The following RAI2 variants were observed in gnomAD, a reference collection of about 807,000 sequenced individuals.
RAI2 encodes retinoic acid induced 2.
A neutral mutation model predicts 15.3 loss-of-function variants in RAI2; 5 were observed. The observed-to-expected ratio is 0.33, with a 90% CI of 0.17 to 0.69. The LOEUF (loss-of-function observed/expected upper bound fraction) is 0.69, where lower values mean the gene tolerates loss of function less well. Among genes scored for constraint, RAI2 ranks in the 30% least tolerant of loss-of-function variants. The probability of loss-of-function intolerance (pLI) is 0.69; values close to 1 mark genes in which losing one functional copy is unlikely to be tolerated. For missense variants in RAI2, 424 were observed against 424.7 expected (o/e 1.00, Z 0.01); for synonymous variants, 191 against 184.0 (o/e 1.04, Z -0.31).
At chrX:17,827,258 G>A (rs981349353) in intron 1 of RAI2, among the ~76,000 whole-genome samples, 4 of 111,700 alleles carry the variant, frequency 3.6e-5, no homozygotes, top group African/African-American at 1.3e-4. Flanking sequence ...CCCCTTGCAG[G>A]CCACACAGAA....
chrX:17,824,589 G>A (rs762144627), intron 1 of RAI2, among the ~76,000 whole-genome samples: 1 of 111,503 alleles, frequency 9.0e-6, no homozygotes, highest in South Asian at 3.8e-4. Flanking sequence ...AGAGTCCAAT[G>A]TCTGATTTTG....
intron 1 of RAI2, among the ~76,000 whole-genome samples, chrX:17,849,774 A>G (rs774881785): frequency 8.9e-6 from 1 of 112,709 alleles, no homozygotes; most frequent in Admixed American, 9.3e-5. Flanking sequence ...AGCAATACCC[A>G]CTTGCTGGCA....
At chrX:17,820,074 G>A (rs1458289579) in intron 1 of RAI2, among the ~76,000 whole-genome samples, 2 of 112,381 alleles carry the variant, frequency 1.8e-5, no homozygotes, top group East Asian at 2.8e-4. Context: ...TGAGCCCAGT[G>A]TGGAGAGGGG....
intron 1 of RAI2, among the ~76,000 whole-genome samples, chrX:17,852,080 A>G (rs2067542687): frequency 9.0e-6 from 1 of 111,722 alleles, no homozygotes; most frequent in Non-Finnish European, 1.9e-5. Flanking sequence ...TTCCTCTCCC[A>G]GTGTTGCAAC....
At chrX:17,819,484 G>C (rs1007846965) in intron 1 of RAI2, among the ~76,000 whole-genome samples, 11 of 111,801 alleles carry the variant, frequency 9.8e-5, no homozygotes, top group African/African-American at 3.6e-4. Flanking sequence ...TCCACTCCTG[G>C]GTATTCTCCC....
chrX:17,819,285 A>G (rs1210083960), intron 1 of RAI2, among the ~76,000 whole-genome samples: 1 of 112,518 alleles, frequency 8.9e-6, no homozygotes, highest in Non-Finnish European at 1.9e-5. Flanking sequence ...TCCTTAAAAA[A>G]CAACTAAGCA....
At chrX:17,809,899 C>T (rs2067025411) in intron 1 of RAI2, among the ~76,000 whole-genome samples, 1 of 111,539 alleles carries the variant, frequency 9.0e-6, no homozygotes, top group Admixed American at 9.5e-5. Flanking sequence ...TCCTAAGTAG[C>T]TGGGACTACA....
At chrX:17,844,313 A>C (rs1456674554) in intron 1 of RAI2, among the ~76,000 whole-genome samples, 1 of 112,710 alleles carries the variant, frequency 8.9e-6, no homozygotes, top group Non-Finnish European at 1.9e-5. Context: ...GCCTGGCCTT[A>C]CCTTCCAGAA....
chrX:17,838,929 A>C (rs2067367542), intron 1 of RAI2, among the ~76,000 whole-genome samples: 1 of 112,092 alleles, frequency 8.9e-6, no homozygotes, highest in Non-Finnish European at 1.9e-5. Flanking sequence ...GATCATAAAC[A>C]CACAGAGTGG....
chrX:17,808,046 C>T (rs1340132074), intron 1 of RAI2, among the ~76,000 whole-genome samples: 1 of 112,038 alleles, frequency 8.9e-6, no homozygotes, highest in Non-Finnish European at 1.9e-5. Context: ...ATGCGGCCCA[C>T]ACAAATTTGT....
chrX:17,800,631 C>A lies in RAI2; in HGVS notation c.1380G>T (p.Gly460=). Residue 460 remains glycine (G), a synonymous_variant, in exon 2 of 2, where the codon GGG becomes GGT. Coordinates refer to ENST00000451717, the MANE Select transcript of RAI2 (RefSeq NM_021785.6). The part of the protein sequence containing the change: ...IFCGKIKGLS[G]VSTKNFSFKR... The stretch of plus-strand genomic sequence containing the variant: ...TGAAGGAGAAGTTTTTGGTGGACAC[C>A]CCTGAGAGGCCTTTGATCTTGCCAC... 1 of 1,211,270 alleles carries A rather than the reference C, an allele frequency of 8.3e-7. No homozygotes were observed. Among genetic ancestry groups the A allele is most frequent in the Non-Finnish European group, 1.1e-6 (1 of 895,303 alleles).
At position 17,844,917 on chromosome X, in the gene RAI2, A is replaced by G. The variant is rs1760190990; in HGVS notation, c.-25+16181T>C. ...ATGTATGTAAGAATTTTAGACAAAA[A>G]TCCACAAATAAAAATTTGTGTTAGA... On this transcript the variant is annotated intron_variant, in intron 1 of 1. Coordinates refer to ENST00000451717, the MANE Select transcript of RAI2 (RefSeq NM_021785.6). 3.6e-5 allele frequency among the ~76,000 whole-genome samples: 4 copies of G among 112,167 alleles called. No homozygotes were observed. In the South Asian group the frequency reaches 1.5e-3, roughly 42 times the overall value.
At chrX:17,837,681 A>T (rs921996405) in intron 1 of RAI2, 2 of 112,543 alleles carry the variant, frequency 1.8e-5, no homozygotes, top group African/African-American at 6.5e-5. Flanking sequence ...AAAGGAGAGA[A>T]GTCAAGACAG....
Position 17,823,413 on chromosome X carries a change from T to C in RAI2, c.-24-21379A>G, listed in dbSNP as rs185790232. 2.5e-4 allele frequency among the ~76,000 whole-genome samples: 28 copies of C among 112,357 alleles called. No homozygotes were observed. The East Asian group carries it at 7.0e-3, about 28-fold the overall frequency. On this transcript the variant is annotated intron_variant, in intron 1 of 1. Coordinates refer to ENST00000451717, the MANE Select transcript of RAI2 (RefSeq NM_021785.6). ...AGATGAAAAGAGGGATGGTTTTTCTTCTCAGCAGCTTTTCCATGGCAATGG... is the reference window on the plus strand; with the variant it reads ...AGATGAAAAGAGGGATGGTTTTTCTCCTCAGCAGCTTTTCCATGGCAATGG...
At chrX:17,829,895 A>G (rs2067264640) in intron 1 of RAI2, among the ~76,000 whole-genome samples, 1 of 112,649 alleles carries the variant, frequency 8.9e-6, no homozygotes, top group Non-Finnish European at 1.9e-5. Flanking sequence ...TGGGTAAGCC[A>G]GGACTGCTGG....
At chrX:17,836,193 G>A (rs766484321) in intron 1 of RAI2, among the ~76,000 whole-genome samples, 2 of 111,371 alleles carry the variant, frequency 1.8e-5, no homozygotes, top group South Asian at 7.7e-4. Context: ...AGGACAGGGA[G>A]CAATGGGACC....
At chrX:17,827,306 A>G (rs1433402998) in intron 1 of RAI2, among the ~76,000 whole-genome samples, 1 of 112,269 alleles carries the variant, frequency 8.9e-6, no homozygotes, top group African/African-American at 3.2e-5. Context: ...CTGTTGGCCC[A>G]TAACCAAACT....
At chrX:17,829,541 G>A (rs889011815) in intron 1 of RAI2, among the ~76,000 whole-genome samples, 8 of 111,990 alleles carry the variant, frequency 7.1e-5, no homozygotes, top group African/African-American at 2.6e-4. Context: ...TTTCTAAATT[G>A]TGTGGAGCAG....
chrX:17,836,740 T>C (rs1163427953), intron 1 of RAI2, among the ~76,000 whole-genome samples: 2 of 111,898 alleles, frequency 1.8e-5, no homozygotes, highest in South Asian at 3.7e-4. Flanking sequence ...CAGACAAAAT[T>C]AGTGTATGTG....
Sources: gnomAD v4.1 joint callset for allele counts (sites outside exome capture counted in the v4.1 genomes callset) on GRCh38, gnomAD v4.1.1 for gene constraint, MANE v1.5 for transcripts, NCBI Gene and HGNC (gene_info 2026-07-23, HGNC 2026-07-21) for gene names.